The following NXPH1 variants were observed in gnomAD, a reference collection of about 807,000 sequenced individuals.
The protein encoded by NXPH1 is neurexophilin 1.
Under a neutral mutation model 23.7 loss-of-function variants are expected in NXPH1, and 5 were observed. The observed-to-expected ratio is 0.21, with a 90% CI of 0.11 to 0.44. NXPH1 has a LOEUF of 0.44. NXPH1 is among the 20% of genes least tolerant of loss of function. NXPH1 has a pLI of 0.99. For synonymous variants in NXPH1, 144 were observed against 122.2 expected, an observed-to-expected ratio of 1.18 and a Z score of -1.18; for missense variants, 324 against 321.6, an observed-to-expected ratio of 1.01 and a Z score of -0.06.
At chr7:8,550,417 T>C (rs528405564) in intron 2 of NXPH1, among the ~76,000 whole-genome samples, 2 of 151,734 alleles carry the variant, frequency 1.3e-5, no homozygotes, top group African/African-American at 4.8e-5. Flanking sequence ...ATTCAACCCT[T>C]GGGTTCCACT....
At chr7:8,726,404 A>T (rs930149103) in intron 2 of NXPH1, among the ~76,000 whole-genome samples, 1 of 151,170 alleles carries the variant, frequency 6.6e-6, no homozygotes, top group Non-Finnish European at 1.5e-5. Context: ...TTACATATGT[A>T]TACATGTGCC....
At chr7:8,515,520 C>G (rs1817673481) in intron 2 of NXPH1, among the ~76,000 whole-genome samples, 1 of 152,010 alleles carries the variant, frequency 6.6e-6, no homozygotes, top group African/African-American at 2.4e-5. Context: ...TCAAGAAAAG[C>G]TTTTATGAAT....
At chr7:8,577,041 A>G (rs1818768368) in intron 2 of NXPH1, among the ~76,000 whole-genome samples, 2 of 152,132 alleles carry the variant, frequency 1.3e-5, no homozygotes, top group South Asian at 4.1e-4. Flanking sequence ...TAACTTTGAA[A>G]TAATGTTATT....
chr7:8,663,859 G>A (rs1441696689), intron 2 of NXPH1, among the ~76,000 whole-genome samples: 2 of 152,028 alleles, frequency 1.3e-5, no homozygotes, highest in Non-Finnish European at 2.9e-5. Flanking sequence ...ATCAGGGTCT[G>A]TTACCCTCTA....
intron 2 of NXPH1, among the ~76,000 whole-genome samples, chr7:8,436,646 G>A (rs777294528): frequency 1.3e-5 from 2 of 152,160 alleles, no homozygotes; most frequent in Admixed American, 6.5e-5. Context: ...GGGAATGGGG[G>A]TAAGGGACAC....
chr7:8,571,410 G>A (rs532810050), intron 2 of NXPH1, among the ~76,000 whole-genome samples: 7 of 151,872 alleles, frequency 4.6e-5, no homozygotes, highest in Non-Finnish European at 1.0e-4. Context: ...GGGAAACACA[G>A]GAAAAGGGGA....
At chr7:8,732,788 G>T (rs1345476340) in intron 2 of NXPH1, among the ~76,000 whole-genome samples, 2 of 152,084 alleles carry the variant, frequency 1.3e-5, no homozygotes, top group Non-Finnish European at 2.9e-5. Flanking sequence ...TGAGTGGTGA[G>T]GAAATGTGAA....
At chr7:8,554,691 C>G (rs142488612) in intron 2 of NXPH1, among the ~76,000 whole-genome samples, 1 of 151,672 alleles carries the variant, frequency 6.6e-6, no homozygotes, top group East Asian at 2.0e-4. Flanking sequence ...CATGGCTGAT[C>G]TATTTCCTGA....
intron 2 of NXPH1, among the ~76,000 whole-genome samples, chr7:8,665,160 T>C (rs1451861218): frequency 1.3e-5 from 2 of 152,152 alleles, no homozygotes; most frequent in East Asian, 1.9e-4. Flanking sequence ...TCAGTTCTTA[T>C]ATTTAAGTTT....
At chr7:8,738,332 G>T (rs1780297902) in intron 2 of NXPH1, among the ~76,000 whole-genome samples, 1 of 152,192 alleles carries the variant, frequency 6.6e-6, no homozygotes, top group African/African-American at 2.4e-5. Context: ...TTTTGTTGAG[G>T]TTGATGCTAT....
intron 2 of NXPH1, among the ~76,000 whole-genome samples, chr7:8,702,295 A>G (rs1377128296): frequency 6.6e-6 from 1 of 152,140 alleles, no homozygotes; most frequent in Non-Finnish European, 1.5e-5. Flanking sequence ...ATGTATTGAA[A>G]CATCACACTG....
intron 2 of NXPH1, among the ~76,000 whole-genome samples, chr7:8,691,592 A>T (rs755036088): frequency 7.2e-5 from 11 of 152,258 alleles, no homozygotes; most frequent in South Asian, 2.1e-4. Context: ...TTTAAATTGA[A>T]AAGTAGAAAT....
chr7:8,660,828 A>G (rs901107757), intron 2 of NXPH1, among the ~76,000 whole-genome samples: 1 of 152,170 alleles, frequency 6.6e-6, no homozygotes, highest in African/African-American at 2.4e-5. Flanking sequence ...AAGGTTAAAC[A>G]TTTGATTTTT....
chr7:8,564,295 G>A (rs560166257), intron 2 of NXPH1, among the ~76,000 whole-genome samples: 17 of 151,878 alleles, frequency 1.1e-4, no homozygotes, highest in South Asian at 4.1e-4. Context: ...TTAAACCAGC[G>A]TAGCAGTAAA....
intron 2 of NXPH1, among the ~76,000 whole-genome samples, chr7:8,741,911 A>T (rs1270065323): frequency 2.0e-5 from 3 of 152,044 alleles, no homozygotes; most frequent in African/African-American, 2.4e-5. Context: ...GGCATAAAAT[A>T]GAAAGAACAT....
intron 2 of NXPH1, among the ~76,000 whole-genome samples, chr7:8,610,955 G>A (rs1187188776): frequency 3.3e-5 from 5 of 152,046 alleles, no homozygotes; most frequent in African/African-American, 4.8e-5. Flanking sequence ...GCCATTAAGG[G>A]CCTAGGCAGC....
intron 2 of NXPH1, among the ~76,000 whole-genome samples, chr7:8,594,302 T>G (rs1463176436): frequency 6.6e-6 from 1 of 152,036 alleles, no homozygotes; most frequent in Non-Finnish European, 1.5e-5. Flanking sequence ...GGTAGAAACA[T>G]GAAAGGGCCG....
chr7:8,666,584 A>T (rs1173302305), intron 2 of NXPH1, among the ~76,000 whole-genome samples: 1 of 151,994 alleles, frequency 6.6e-6, no homozygotes, highest in Non-Finnish European at 1.5e-5. Flanking sequence ...TCTTTAATTT[A>T]TTGGAAGACT....
At chr7:8,601,580 T>C (rs1473287737) in intron 2 of NXPH1, among the ~76,000 whole-genome samples, 7 of 152,176 alleles carry the variant, frequency 4.6e-5, no homozygotes, top group Admixed American at 4.6e-4. Flanking sequence ...ATGTTGACCC[T>C]TGTCCTCACC....
Sources: gnomAD v4.1 joint callset for allele counts (sites outside exome capture counted in the v4.1 genomes callset) on GRCh38, gnomAD v4.1.1 for gene constraint, MANE v1.5 for transcripts, NCBI Gene and HGNC (gene_info 2026-07-23, HGNC 2026-07-21) for gene names.